Variants in EYS observed in about 807,000 individuals in gnomAD.
EYS encodes the protein EGF-like photoreceptor maintenance factor.
EYS carries 250 observed loss-of-function variants against 282.1 expected under a neutral mutation model. The observed-to-expected ratio is 0.89, with a 90% CI of 0.80 to 0.98. The LOEUF is 0.98. EYS is among the 50% of genes least tolerant of loss of function. EYS has a pLI of 0.00. For synonymous variants in EYS, 1,355 were observed against 1,282.9 expected (o/e 1.06, Z -1.20); for missense variants, 4,016 against 3,709.0 (o/e 1.08, Z -2.15).
chr6:65,368,352 T>C (rs866918761), intron 8 of EYS, among the ~76,000 whole-genome samples: 1 of 151,714 alleles, frequency 6.6e-6, no homozygotes, highest in Non-Finnish European at 1.5e-5. Context: ...CATCAAATCC[T>C]TCACACATAA....
At chr6:65,213,243 G>A (rs1582023747) in intron 12 of EYS, among the ~76,000 whole-genome samples, 1 of 152,284 alleles carries the variant, frequency 6.6e-6, no homozygotes, top group Admixed American at 6.5e-5. Flanking sequence ...ACTGTCATCC[G>A]TGTGCGCACC....
Position 63,944,562 on chromosome 6 carries a change from A to C in EYS, c.7055+39821T>G, listed in dbSNP as rs1000192922. Among the ~76,000 whole-genome samples the C allele has an allele frequency of 1.4e-4, 21 of 152,296 alleles. No homozygotes were observed. The South Asian group carries it at 1.4e-3, about 11-fold the overall frequency. ...AGTTAACACATGCATTACCTAACACAGTTATCATTTTTGTGGTGAGAACAC... is the reference window on the plus strand; with the variant it reads ...AGTTAACACATGCATTACCTAACACCGTTATCATTTTTGTGGTGAGAACAC... On this transcript the variant is annotated intron_variant, in intron 35 of 42. Coordinates refer to ENST00000503581, the MANE Select transcript of EYS (RefSeq NM_001142800.2).
At position 64,204,097 on chromosome 6, in the gene EYS, A is replaced by C. The variant is rs150040333; in HGVS notation, c.6424+26495T>G. 1.9e-3 allele frequency among the ~76,000 whole-genome samples: 286 copies of C among 152,330 alleles called. 2 individuals carry two copies. Among genetic ancestry groups the C allele is most frequent in the Middle Eastern group, 6.8e-3 (2 of 294 alleles). On this transcript the variant is annotated intron_variant, in intron 31 of 42. Coordinates refer to ENST00000503581, the MANE Select transcript of EYS (RefSeq NM_001142800.2). The stretch of plus-strand genomic sequence containing the variant: ...TACCTGGCATTAAATATTTAGGTAC[A>C]TTAAATAAACTACAGCATGTAATTA...
intron 26 of EYS, among the ~76,000 whole-genome samples, chr6:64,539,091 C>T: frequency 6.6e-6 from 1 of 152,120 alleles, no homozygotes; most frequent in Non-Finnish European, 1.5e-5. Context: ...AGCATAATGA[C>T]CTCAAGTTCT....
chr6:64,518,780 G>GCCCCCC (rs34658444), intron 26 of EYS, among the ~76,000 whole-genome samples: 4 of 147,506 alleles, frequency 2.7e-5, no homozygotes, highest in African/African-American at 9.9e-5. Flanking sequence ...TTTATAAGGG[G>GCCCCCC]CCCCCCCCTT....
chr6:64,740,132 G>T (rs1772322628), intron 22 of EYS, among the ~76,000 whole-genome samples: 1 of 152,116 alleles, frequency 6.6e-6, no homozygotes, highest in South Asian at 2.1e-4. Flanking sequence ...TTTAAAGTAT[G>T]AAGAGAAAGT....
chr6:64,046,480 C>T (rs1186917134), intron 33 of EYS, among the ~76,000 whole-genome samples: 1 of 151,876 alleles, frequency 6.6e-6, no homozygotes, highest in Non-Finnish European at 1.5e-5. Flanking sequence ...TTGTGCCTAC[C>T]ATCTTCTACA....
At chr6:64,641,934 A>T (rs993198631) in intron 22 of EYS, among the ~76,000 whole-genome samples, 1 of 152,160 alleles carries the variant, frequency 6.6e-6, no homozygotes, top group Non-Finnish European at 1.5e-5. Context: ...CCTTCCTCCC[A>T]TATGTGAAAA....
At chr6:65,271,701 A>G (rs1422340317) in intron 12 of EYS, among the ~76,000 whole-genome samples, 4 of 151,602 alleles carry the variant, frequency 2.6e-5, no homozygotes, top group Non-Finnish European at 4.4e-5. Context: ...TCCTGCCTCA[A>G]TCTCCCTCAT....
Position 64,010,402 on chromosome 6 carries a change from G to A in EYS, c.6726-11219C>T, listed in dbSNP as rs536148115. On this transcript the variant is annotated intron_variant, in intron 33 of 42. Transcript: ENST00000503581. The stretch of plus-strand genomic sequence containing the variant: ...TGTGTGTGTGTTTGGTTGGGGGGGG[G>A]GGTGGTGGTGTGGAGAGAAGGGGGA... 2.7e-5 allele frequency among the ~76,000 whole-genome samples: 4 copies of A among 150,510 alleles called. 1 individual carries two copies. Among genetic ancestry groups the A allele is most frequent in the Admixed American group, 2.0e-4 (3 of 15,120 alleles).
chr6:65,335,467 A>G (rs1478349400), intron 10 of EYS, among the ~76,000 whole-genome samples: 1 of 151,764 alleles, frequency 6.6e-6, no homozygotes, highest in African/African-American at 2.4e-5. Flanking sequence ...TCGCCTTACA[A>G]AACACTTTTC....
chr6:65,277,474 A>C (rs80178073), intron 12 of EYS, among the ~76,000 whole-genome samples: 6,978 of 151,702 alleles, frequency 0.046, 219 homozygotes, highest in South Asian at 0.087. Context: ...GCGCCCCGGA[A>C]AACTTTTTTT....
intron 2 of EYS, among the ~76,000 whole-genome samples, chr6:65,519,403 T>G (rs1767263366): frequency 6.6e-6 from 1 of 151,578 alleles, no homozygotes; most frequent in Non-Finnish European, 1.5e-5. Flanking sequence ...TATCGTGTAT[T>G]GATATGTAAG....
chr6:64,151,708 G>A (rs1008398832), intron 31 of EYS, among the ~76,000 whole-genome samples: 4 of 151,888 alleles, frequency 2.6e-5, no homozygotes, highest in African/African-American at 9.7e-5. Flanking sequence ...TTAAAATATT[G>A]ATATGACTAT....
At chr6:64,030,858 G>A (rs1769788563) in intron 33 of EYS, among the ~76,000 whole-genome samples, 1 of 152,170 alleles carries the variant, frequency 6.6e-6, no homozygotes, top group Admixed American at 6.5e-5. Context: ...ACTTTCCCTG[G>A]CCTAGAGACC....
intron 19 of EYS, among the ~76,000 whole-genome samples, chr6:64,846,765 G>A (rs535116259): frequency 2.0e-5 from 3 of 152,190 alleles, no homozygotes; most frequent in South Asian, 2.1e-4. Flanking sequence ...TGGTAATGCA[G>A]TGAATTTAGG....
chr6:65,557,847 G>T (rs913814310), intron 2 of EYS, among the ~76,000 whole-genome samples: 4 of 152,132 alleles, frequency 2.6e-5, no homozygotes, highest in African/African-American at 9.7e-5. Flanking sequence ...CCACAGACAG[G>T]TCTTTGTGTA....
intron 1 of EYS, among the ~76,000 whole-genome samples, chr6:65,649,203 A>C (rs932234403): frequency 6.6e-6 from 1 of 151,810 alleles, no homozygotes; most frequent in Admixed American, 6.6e-5. Flanking sequence ...ATTACTTGCA[A>C]GACCCAACTA....
intron 8 of EYS, among the ~76,000 whole-genome samples, chr6:65,369,203 G>A (rs1214223182): frequency 6.8e-6 from 1 of 148,030 alleles, no homozygotes; most frequent in Non-Finnish European, 1.5e-5. Flanking sequence ...GAAAAGCAAA[G>A]TTTGTGACCA....
Sources: allele counts gnomAD v4.1 joint callset (sites outside exome capture counted in the v4.1 genomes callset), GRCh38; gene constraint gnomAD v4.1.1; transcripts MANE v1.5; gene names NCBI Gene and HGNC (gene_info 2026-07-23, HGNC 2026-07-21).